DLG2: variants seen among roughly 807,000 people sequenced by gnomAD.
The protein encoded by DLG2 is discs large MAGUK scaffold protein 2.
Under a neutral mutation model 132.5 loss-of-function variants are expected in DLG2, and 45 were observed. The ratio of observed to expected loss-of-function variants is 0.34; its 90% CI spans 0.27 to 0.44. The LOEUF (loss-of-function observed/expected upper bound fraction) is 0.44, where lower values mean the gene tolerates loss of function less well. Among genes scored for constraint, DLG2 ranks in the 20% least tolerant of loss-of-function variants. The pLI, the probability that DLG2 is intolerant of heterozygous loss-of-function variation, is 1.00. For synonymous variants in DLG2, 424 were observed against 419.6 expected, an observed-to-expected ratio of 1.01 and a Z score of -0.13; for missense variants, 1,045 against 1,196.9, an observed-to-expected ratio of 0.87 and a Z score of 1.87.
At chr11:84,110,595 AGAG>A (rs1420565546) in intron 9 of DLG2, among the ~76,000 whole-genome samples, 1 of 152,168 alleles carries the variant, frequency 6.6e-6, no homozygotes, top group African/African-American at 2.4e-5. Context: ...CCGATCCCAA[AGAG>A]GAGAACAGAA....
chr11:84,148,357 G>A (rs577243994), intron 9 of DLG2, among the ~76,000 whole-genome samples: 5 of 151,972 alleles, frequency 3.3e-5, no homozygotes, highest in Non-Finnish European at 7.4e-5. Context: ...TGTGTTTCAG[G>A]CCTTGCAACC....
intron 7 of DLG2, among the ~76,000 whole-genome samples, chr11:84,355,883 C>T (rs977130812): frequency 1.3e-5 from 2 of 152,072 alleles, no homozygotes; most frequent in East Asian, 1.9e-4. Context: ...CCAAATGTGT[C>T]ACTGTTCAAT....
At chr11:84,736,444 G>C (rs1292991996) in intron 6 of DLG2, among the ~76,000 whole-genome samples, 2 of 151,580 alleles carry the variant, frequency 1.3e-5, no homozygotes, top group Non-Finnish European at 3.0e-5. Flanking sequence ...TTGATTGTGT[G>C]GAATTGTGTT....
chr11:83,698,869 A>G (rs2082370304), intron 18 of DLG2, among the ~76,000 whole-genome samples: 2 of 152,184 alleles, frequency 1.3e-5, no homozygotes, highest in Admixed American at 1.3e-4. Flanking sequence ...AGAACCCGCC[A>G]GGTGGGATCA....
At chr11:85,564,065 GCTTA>G (rs1348628945) in intron 3 of DLG2, among the ~76,000 whole-genome samples, 2 of 151,942 alleles carry the variant, frequency 1.3e-5, no homozygotes, top group Admixed American at 1.3e-4. Flanking sequence ...CATTGTTAGT[GCTTA>G]CTTGCCATTA....
At chr11:83,901,757 G>A (rs546468370) in intron 15 of DLG2, among the ~76,000 whole-genome samples, 22 of 152,250 alleles carry the variant, frequency 1.4e-4, no homozygotes, top group African/African-American at 4.8e-4. Flanking sequence ...TCATAGTGTA[G>A]CAAAGACAAA....
chr11:83,498,991 C>T (rs2094305939), intron 21 of DLG2, among the ~76,000 whole-genome samples: 2 of 151,792 alleles, frequency 1.3e-5, no homozygotes, highest in Admixed American at 6.6e-5. Context: ...ACACAAACTA[C>T]CAAAATTGAA....
chr11:84,601,568 T>C (rs2099576579), intron 6 of DLG2, among the ~76,000 whole-genome samples: 1 of 151,994 alleles, frequency 6.6e-6, no homozygotes, highest in African/African-American at 2.4e-5. Flanking sequence ...TATCCAACAA[T>C]ACAAAATGAC....
At chr11:84,079,555 T>A (rs1405193761) in intron 10 of DLG2, among the ~76,000 whole-genome samples, 1 of 152,188 alleles carries the variant, frequency 6.6e-6, no homozygotes, top group Non-Finnish European at 1.5e-5. Flanking sequence ...AGTGTTGGGA[T>A]TACAGGCATG....
intron 7 of DLG2, among the ~76,000 whole-genome samples, chr11:84,397,467 G>A (rs1171412545): frequency 6.6e-6 from 1 of 152,082 alleles, no homozygotes; most frequent in African/African-American, 2.4e-5. Context: ...ATTGCGTTCC[G>A]GCCAATGGAA....
chr11:84,295,429 A>C (rs1351216198), intron 7 of DLG2, among the ~76,000 whole-genome samples: 1 of 152,174 alleles, frequency 6.6e-6, no homozygotes, highest in Non-Finnish European at 1.5e-5. Context: ...CCAGGCTGCC[A>C]CTTTTTTCTT....
At position 83,704,654 on chromosome 11, in the gene DLG2, TA is replaced by T. The variant is rs769615246; in HGVS notation, c.1826-71330del. Among the ~76,000 whole-genome samples, 446 of 105,954 alleles carry T rather than the reference TA, an allele frequency of 4.2e-3. 3 individuals carry two copies. The highest frequency in any genetic ancestry group is 0.021 in the East Asian group (82 of 3,814). The allele number at this position is 105,954 out of a possible 152,430, so 69.5% of individuals were successfully genotyped here. On this transcript the variant is annotated intron_variant, in intron 18 of 27. Coordinates refer to ENST00000376104, the MANE Select transcript of DLG2 (RefSeq NM_001142699.3). Reference sequence around the variant, plus strand: ...CAACGTGGTGAAACCCCGTCTCTACTAAAAAAAAAAAAAAAAAAAAATATTA... The same window carrying T: ...CAACGTGGTGAAACCCCGTCTCTACTAAAAAAAAAAAAAAAAAAAATATTA...
intron 10 of DLG2, among the ~76,000 whole-genome samples, chr11:84,093,463 T>C (rs1227675885): frequency 6.6e-6 from 1 of 152,180 alleles, no homozygotes; most frequent in East Asian, 1.9e-4. Flanking sequence ...GTCTCCACTT[T>C]TAAGGGCTCA....
At chr11:84,332,866 A>G (rs1488175547) in intron 7 of DLG2, among the ~76,000 whole-genome samples, 3 of 152,196 alleles carry the variant, frequency 2.0e-5, no homozygotes, top group Admixed American at 2.0e-4. Context: ...TTACTGTGCC[A>G]TGGCAGGCAG....
chr11:84,977,902 C>G (rs1386001290), intron 6 of DLG2, among the ~76,000 whole-genome samples: 2 of 152,052 alleles, frequency 1.3e-5, no homozygotes, highest in Non-Finnish European at 2.9e-5. Context: ...GTCTGAAGGC[C>G]AAGACCCATT....
chr11:85,063,299 T>C (rs962690461), intron 6 of DLG2, among the ~76,000 whole-genome samples: 3 of 151,860 alleles, frequency 2.0e-5, no homozygotes, highest in Non-Finnish European at 4.4e-5. Context: ...TCTCAGAGTT[T>C]TGAGTCTGTT....
chr11:85,351,212 TTTG>T (rs1422338460), intron 3 of DLG2, among the ~76,000 whole-genome samples: 1 of 152,186 alleles, frequency 6.6e-6, no homozygotes, highest in African/African-American at 2.4e-5. Context: ...TCTCTGTTGG[TTTG>T]TTAATGGTGT....
At chr11:85,468,978 C>T (rs1376810179) in intron 3 of DLG2, among the ~76,000 whole-genome samples, 1 of 152,116 alleles carries the variant, frequency 6.6e-6, no homozygotes, top group Non-Finnish European at 1.5e-5. Context: ...CTGACATAAT[C>T]TTGCAAAGGT....
intron 18 of DLG2, among the ~76,000 whole-genome samples, chr11:83,658,480 A>G (rs1229265663): frequency 6.6e-6 from 1 of 152,248 alleles, no homozygotes; most frequent in Non-Finnish European, 1.5e-5. Flanking sequence ...GATAATAAAC[A>G]GTTATTCTTA....
Sources: allele counts gnomAD v4.1 joint callset (sites outside exome capture counted in the v4.1 genomes callset), GRCh38; gene constraint gnomAD v4.1.1; transcripts MANE v1.5; gene names NCBI Gene and HGNC (gene_info 2026-07-23, HGNC 2026-07-21).